Variants in GM2A observed in about 807,000 individuals in gnomAD.
The protein encoded by GM2A is GM2 ganglioside activator.
GM2A carries 7 observed loss-of-function variants against 12.9 expected under a neutral mutation model. The observed-to-expected ratio is 0.54, with a 90% CI of 0.31 to 1.02. GM2A has a LOEUF of 1.02. GM2A is among the 50% of genes least tolerant of loss of function. The pLI is 0.05. For synonymous variants in GM2A, 101 were observed against 96.0 expected, an observed-to-expected ratio of 1.05 and a Z score of -0.30; for missense variants, 246 against 241.0, an observed-to-expected ratio of 1.02 and a Z score of -0.14.
Position 151,269,433 on chromosome 5 carries a change from C to G in GM2A, c.*1982C>G. ...GTCTCTGCTTCATCGCCATCCAGCT[C>G]CCTTGTTTGCTATTTTGCTTTCCAT... On this transcript the variant is annotated 3_prime_UTR_variant, in exon 4 of 4. Transcript: ENST00000357164. 2 of 985,342 alleles carry G rather than the reference C, an allele frequency of 2.0e-6. No individual in the cohort carries two copies. Among genetic ancestry groups the G allele is most frequent in the South Asian group, 9.4e-5 (2 of 21,280 alleles). The allele number at this position is 985,342 out of a possible 1,614,324, so 61.0% of individuals were successfully genotyped here.
chr5:151,255,320 A>G (rs1753665587), intron 1 of GM2A, among the ~76,000 whole-genome samples: 1 of 152,134 alleles, frequency 6.6e-6, no homozygotes, highest in Non-Finnish European at 1.5e-5. Context: ...AACCCCAAAA[A>G]CAAAAACCCG....
chr5:151,257,264 A>G (rs1753706820), intron 1 of GM2A, among the ~76,000 whole-genome samples: 1 of 151,964 alleles, frequency 6.6e-6, no homozygotes. Context: ...ATGAGCCTGG[A>G]CTCAGCAGCA....
At chr5:151,259,967 G>C in intron 2 of GM2A, 51 bp downstream of exon 2, 5 of 1,406,670 alleles carry the variant, frequency 3.6e-6, no homozygotes, top group Non-Finnish European at 5.0e-6. Flanking sequence ...CTGGCCAGCA[G>C]GGGTACTGGG....
At position 151,267,200 on chromosome 5, in the gene GM2A, G is replaced by T. The variant is rs1753903598; in HGVS notation, c.427-96G>T. 3 of 1,479,210 alleles carry T rather than the reference G, an allele frequency of 2.0e-6. No homozygotes were observed. The East Asian group carries it at 7.0e-5, about 34-fold the overall frequency. 91.6% of individuals were successfully genotyped at this position (1,479,210 alleles called of 1,614,324 possible). ...CGGCTGTTTTGAGAATGGGAAGAGG[G>T]GTGGTAGTTCATGGCTGCAATCCTA... On this transcript the variant is annotated intron_variant, in intron 3 of 3. Coordinates refer to ENST00000357164, the MANE Select transcript of GM2A (RefSeq NM_000405.5).
Position 151,270,040 on chromosome 5 carries a change from T to C in GM2A, c.*2589T>C. 8.1e-7 allele frequency: 1 copy of C among 1,230,316 alleles called. No individual in the cohort carries two copies. The highest frequency in any genetic ancestry group is 1.0e-6 in the Non-Finnish European group (1 of 987,626). The allele number at this position is 1,230,316 out of a possible 1,614,324, so 76.2% of individuals were successfully genotyped here. ...TTTAGTTCACATTCTTGACCGAATC[T>C]CAGTAGCTCAGTTAATCTTTTTATG... On this transcript the variant is annotated 3_prime_UTR_variant, in exon 4 of 4. Transcript: ENST00000357164.
intron 3 of GM2A, 119 bp from the exon 4 acceptor site, chr5:151,267,177 G>T: frequency 7.7e-7 from 1 of 1,303,630 alleles, no homozygotes; most frequent in Non-Finnish European, 1.1e-6. Context: ...ATCTTGTGCG[G>T]CTGTTTTGAG....
Position 151,268,103 on chromosome 5 carries a change from A to C in GM2A, c.*652A>C. 1 of 990,800 alleles carries C rather than the reference A, an allele frequency of 1.0e-6. No homozygotes were observed. Among genetic ancestry groups the C allele is most frequent in the Non-Finnish European group, 1.2e-6 (1 of 833,256 alleles). The allele number at this position is 990,800 out of a possible 1,614,324, so 61.4% of individuals were successfully genotyped here. ...CCCGCAGGGCCTAGCAAGAGACTTA[A>C]ATGACTGATAAGAACCGTGAGAAAC... On this transcript the variant is annotated 3_prime_UTR_variant, in exon 4 of 4. Coordinates refer to ENST00000357164, the MANE Select transcript of GM2A (RefSeq NM_000405.5).
chr5:151,268,999 G>A lies in GM2A; in HGVS notation c.*1548G>A. 1.0e-6 allele frequency: 1 copy of A among 985,492 alleles called. No homozygotes were observed. The highest frequency in any genetic ancestry group is 1.2e-6 in the Non-Finnish European group (1 of 829,970). The allele number at this position is 985,492 out of a possible 1,614,324, so 61.0% of individuals were successfully genotyped here. A position where few individuals can be genotyped will look rare whatever the true frequency, so the allele number is the denominator to read the frequency against. On this transcript the variant is annotated 3_prime_UTR_variant, in exon 4 of 4. Transcript: ENST00000357164. ...CAGCCTCTCACCTGTGAGCTGTGGG[G>A]ATCACAAGGCTGCCTGCCTCAGTCT...
intron 1 of GM2A, among the ~76,000 whole-genome samples, chr5:151,258,148 G>A (rs1372346425): frequency 6.6e-6 from 1 of 152,194 alleles, no homozygotes; most frequent in African/African-American, 2.4e-5. Flanking sequence ...CATTCCAAGG[G>A]GTAGGAACCC....
Position 151,255,685 on chromosome 5 carries a change from C to T in GM2A, c.81+2388C>T, listed in dbSNP as rs150935390. Among the ~76,000 whole-genome samples the T allele has an allele frequency of 3.3e-3, 499 of 152,352 alleles. 5 individuals are homozygous for T. The highest frequency in any genetic ancestry group is 0.011 in the African/African-American group (455 of 41,566). On this transcript the variant is annotated intron_variant, in intron 1 of 3. Coordinates refer to ENST00000357164, the MANE Select transcript of GM2A (RefSeq NM_000405.5). ...CCATATAAATCTGTGGGCTTGGCCT[C>T]ACTCTGCCCCCGAGGCAGAAAGTCT... is the stretch of plus-strand genomic sequence containing the variant.
chr5:151,260,752 T>C (rs1037733379), intron 2 of GM2A, among the ~76,000 whole-genome samples: 1 of 152,246 alleles, frequency 6.6e-6, no homozygotes. Flanking sequence ...CACATATTTA[T>C]TTTTAATGGA....
intron 3 of GM2A, 146 bp downstream of exon 3, chr5:151,267,059 G>T: frequency 1.2e-6 from 1 of 857,040 alleles, no homozygotes. Flanking sequence ...CTTATCTTCC[G>T]GGAGCCTCAG....
chr5:151,267,477 A>G lies in GM2A; in HGVS notation c.*26A>G. The G allele has an allele frequency of 6.2e-7, 1 of 1,614,042 alleles. No homozygotes were observed. Among genetic ancestry groups the G allele is most frequent in the Non-Finnish European group, 8.5e-7 (1 of 1,179,974 alleles). On this transcript the variant is annotated 3_prime_UTR_variant, in exon 4 of 4. Transcript: ENST00000357164. The stretch of plus-strand genomic sequence containing the variant: ...CATGGCATCTGCCACAGCAGAATGG[A>G]GCGGTGTGAGGAAGGTCCCTTTTCC...
Position 151,267,626 on chromosome 5 carries a change from GCAGC to G in GM2A, c.*177_*180del. On this transcript the variant is annotated 3_prime_UTR_variant, in exon 4 of 4. Coordinates refer to ENST00000357164, the MANE Select transcript of GM2A (RefSeq NM_000405.5). Reference sequence around the variant, plus strand: ...CCACTTACATTTTAGGCTGGGGCAAGCAGCCCTGACCTAAGGGAGAATGAGTTGG... The same window carrying G: ...CCACTTACATTTTAGGCTGGGGCAAGCCTGACCTAAGGGAGAATGAGTTGG... 1 of 1,520,754 alleles carries G rather than the reference GCAGC, an allele frequency of 6.6e-7. No individual in the cohort carries two copies. Among genetic ancestry groups the G allele is most frequent in the Non-Finnish European group, 8.8e-7 (1 of 1,136,758 alleles). The allele number at this position is 1,520,754 out of a possible 1,614,324, so 94.2% of individuals were successfully genotyped here.
At chr5:151,264,712 C>G (rs1753853347) in intron 2 of GM2A, among the ~76,000 whole-genome samples, 1 of 152,078 alleles carries the variant, frequency 6.6e-6, no homozygotes. Flanking sequence ...GGATACAGTG[C>G]TTCATGCCTG....
rs1001402253 is a variant in GM2A, at chr5:151,267,789, A to G, written c.*338A>G. On this transcript the variant is annotated 3_prime_UTR_variant, in exon 4 of 4. Coordinates refer to ENST00000357164, the MANE Select transcript of GM2A (RefSeq NM_000405.5). ...ACCAGAGTGTTTTAGGACCTGAAGA[A>G]TCTTTATGACTCTCTCTCTTTCACT... 1 of 1,214,330 alleles carries G rather than the reference A, an allele frequency of 8.2e-7. No individual in the cohort carries two copies. Among genetic ancestry groups the G allele is most frequent in the African/African-American group, 1.6e-5 (1 of 63,344 alleles). The allele number at this position is 1,214,330 out of a possible 1,614,324, so 75.2% of individuals were successfully genotyped here.
At chr5:151,254,465 A>C (rs948313830) in intron 1 of GM2A, among the ~76,000 whole-genome samples, 1 of 152,220 alleles carries the variant, frequency 6.6e-6, no homozygotes, top group African/African-American at 2.4e-5. Context: ...CTCCCACCTC[A>C]GTCTCCTGAG....
Position 151,268,692 on chromosome 5 carries a change from T to C in GM2A, c.*1241T>C, listed in dbSNP as rs541818620. On this transcript the variant is annotated 3_prime_UTR_variant, in exon 4 of 4. Coordinates refer to ENST00000357164, the MANE Select transcript of GM2A (RefSeq NM_000405.5). ...GTGAGACTCTGTCTCAAAAAAAAAG[T>C]TTCAATGTTTACTCCTAGAGAAGCC... The C allele has an allele frequency of 4.4e-4, 238 of 541,028 alleles. No homozygotes were observed. Among genetic ancestry groups the C allele is most frequent in the Non-Finnish European group, 5.2e-4 (223 of 426,274 alleles). The allele number at this position is 541,028 out of a possible 1,614,324, so 33.5% of individuals were successfully genotyped here.
intron 1 of GM2A, 52 bp downstream of exon 1, chr5:151,253,349 G>T (rs1247026042): frequency 1.5e-6 from 2 of 1,342,168 alleles, no homozygotes; most frequent in African/African-American, 2.9e-5. Flanking sequence ...GCCCAGCTAC[G>T]GGTGTGCGGG....
Sources: gnomAD v4.1 joint callset for allele counts (sites outside exome capture counted in the v4.1 genomes callset) on GRCh38, gnomAD v4.1.1 for gene constraint, MANE v1.5 for transcripts, NCBI Gene and HGNC (gene_info 2026-07-23, HGNC 2026-07-21) for gene names.